ADCY8: variants seen among roughly 807,000 people sequenced by gnomAD.
The protein encoded by ADCY8 is adenylate cyclase type 8.
Under a neutral mutation model 119.7 loss-of-function variants are expected in ADCY8, and 51 were observed. That is an observed-to-expected ratio of 0.43 (90% CI 0.34 to 0.54). ADCY8 has a LOEUF of 0.54. Among genes scored for constraint, ADCY8 ranks in the 20% least tolerant of loss-of-function variants. ADCY8 has a pLI of 0.03. For missense variants in ADCY8, 1,383 were observed against 1,598.8 expected (o/e 0.87, Z 2.30); for synonymous variants, 665 against 651.0 (o/e 1.02, Z -0.33).
intron 14 of ADCY8, 83 bp downstream of exon 14, chr8:130,813,986 T>C (rs1816256053): frequency 6.6e-7 from 1 of 1,525,766 alleles, no homozygotes. Context: ...AGTGAAATTC[T>C]CCCAGAGTTT....
intron 8 of ADCY8, among the ~76,000 whole-genome samples, chr8:130,871,612 A>T (rs1214818390): frequency 6.6e-6 from 1 of 152,152 alleles, no homozygotes; most frequent in Non-Finnish European, 1.5e-5. Flanking sequence ...TTCTATGTGA[A>T]GCTTGCCTTT....
At chr8:130,978,949 C>G (rs1822155287) in intron 2 of ADCY8, among the ~76,000 whole-genome samples, 1 of 152,110 alleles carries the variant, frequency 6.6e-6, no homozygotes, top group South Asian at 2.1e-4. Flanking sequence ...AGTGATCAAA[C>G]AAGCGTACTA....
intron 5 of ADCY8, among the ~76,000 whole-genome samples, chr8:130,929,704 A>C (rs1414533217): frequency 6.6e-6 from 1 of 152,146 alleles, no homozygotes; most frequent in East Asian, 1.9e-4. Context: ...TCCTATGTGG[A>C]TAATCTGTGT....
At chr8:130,831,386 A>G (rs1816829551) in intron 12 of ADCY8, among the ~76,000 whole-genome samples, 1 of 152,230 alleles carries the variant, frequency 6.6e-6, no homozygotes, top group African/African-American at 2.4e-5. Flanking sequence ...AAAATTAGTT[A>G]CTTCAACACA....
intron 12 of ADCY8, among the ~76,000 whole-genome samples, chr8:130,835,188 G>A (rs1816948096): frequency 1.3e-5 from 2 of 152,180 alleles, no homozygotes; most frequent in Admixed American, 1.3e-4. Context: ...AGCCTGGACT[G>A]GCTCCTTCCA....
At chr8:130,950,182 C>T (rs1821228327) in intron 3 of ADCY8, among the ~76,000 whole-genome samples, 1 of 152,156 alleles carries the variant, frequency 6.6e-6, no homozygotes, top group Admixed American at 6.5e-5. Flanking sequence ...GACTCTGACT[C>T]TATGTTTGGG....
At chr8:130,801,186 C>T (rs969027226) in intron 14 of ADCY8, among the ~76,000 whole-genome samples, 1 of 152,182 alleles carries the variant, frequency 6.6e-6, no homozygotes, top group Non-Finnish European at 1.5e-5. Flanking sequence ...CCAGTTCATT[C>T]ATTCTTGGTA....
At chr8:130,957,242 T>C (rs1468176737) in intron 2 of ADCY8, among the ~76,000 whole-genome samples, 1 of 152,196 alleles carries the variant, frequency 6.6e-6, no homozygotes, top group Non-Finnish European at 1.5e-5. Context: ...AGGAACTTGT[T>C]GGGAACTGGA....
intron 11 of ADCY8, among the ~76,000 whole-genome samples, chr8:130,838,241 G>A (rs1218191071): frequency 1.3e-5 from 2 of 152,200 alleles, no homozygotes; most frequent in African/African-American, 4.8e-5. Context: ...GTGGTACATG[G>A]GGTGGACTCA....
chr8:130,838,382 T>C (rs1002395949), intron 11 of ADCY8, among the ~76,000 whole-genome samples: 4 of 152,248 alleles, frequency 2.6e-5, no homozygotes, highest in Admixed American at 1.3e-4. Context: ...TCTTCAGCTA[T>C]CCTTTAAGAT....
At chr8:130,852,305 G>C (rs1001648052) in intron 9 of ADCY8, among the ~76,000 whole-genome samples, 8 of 152,066 alleles carry the variant, frequency 5.3e-5, no homozygotes, top group African/African-American at 1.7e-4. Context: ...GGATCACCTT[G>C]ACAAGAAATC....
chr8:130,907,720 A>T (rs1416682574), intron 6 of ADCY8, among the ~76,000 whole-genome samples: 2 of 152,178 alleles, frequency 1.3e-5, no homozygotes, highest in African/African-American at 4.8e-5. Flanking sequence ...TTCTTTTTAC[A>T]AATTATTTTA....
chr8:130,808,064 T>A (rs144949560), intron 14 of ADCY8, among the ~76,000 whole-genome samples: 83 of 130,682 alleles, frequency 6.4e-4, no homozygotes, highest in Middle Eastern at 4.5e-3. Context: ...ACAAACAAAC[T>A]AAGATACCAT....
intron 1 of ADCY8, among the ~76,000 whole-genome samples, chr8:131,034,249 G>C (rs750121413): frequency 6.6e-6 from 1 of 152,092 alleles, no homozygotes; most frequent in African/African-American, 2.4e-5. Flanking sequence ...CTTAGACTTA[G>C]ACAAAGAACA....
chr8:130,964,962 C>T (rs746129674), intron 2 of ADCY8, among the ~76,000 whole-genome samples: 37 of 152,018 alleles, frequency 2.4e-4, no homozygotes, highest in Non-Finnish European at 3.8e-4. Context: ...GTTGGCCTCT[C>T]GTATGTCTTC....
intron 7 of ADCY8, among the ~76,000 whole-genome samples, chr8:130,896,495 A>G (rs1282228149): frequency 6.6e-6 from 1 of 152,164 alleles, no homozygotes; most frequent in East Asian, 1.9e-4. Context: ...TAGGGGCAGA[A>G]AGAAGAAGGA....
chr8:130,976,655 C>G (rs1315834681), intron 2 of ADCY8, among the ~76,000 whole-genome samples: 1 of 152,084 alleles, frequency 6.6e-6, no homozygotes, highest in Non-Finnish European at 1.5e-5. Context: ...TATATTTTAT[C>G]TTGATGTGGA....
At chr8:130,964,742 G>C (rs1001707443) in intron 2 of ADCY8, among the ~76,000 whole-genome samples, 1 of 152,190 alleles carries the variant, frequency 6.6e-6, no homozygotes, top group African/African-American at 2.4e-5. Context: ...CTAAAAAAAT[G>C]CTTTCCACAG....
At chr8:130,895,921 T>G (rs976193648) in intron 7 of ADCY8, among the ~76,000 whole-genome samples, 5 of 152,226 alleles carry the variant, frequency 3.3e-5, no homozygotes, top group African/African-American at 1.2e-4. Context: ...AGATCAAGAT[T>G]CAATATTTCA....
Sources: gnomAD v4.1 joint callset for allele counts (sites outside exome capture counted in the v4.1 genomes callset) on GRCh38, gnomAD v4.1.1 for gene constraint, MANE v1.5 for transcripts, NCBI Gene and HGNC (gene_info 2026-07-23, HGNC 2026-07-21) for gene names.